Variants in CHD5 observed in about 807,000 individuals in gnomAD.
CHD5 encodes the protein chromodomain helicase DNA binding protein 5.
A neutral mutation model predicts 230.3 loss-of-function variants in CHD5; 69 were observed. The ratio of observed to expected loss-of-function variants is 0.30; its 90% CI spans 0.25 to 0.37. CHD5 has a LOEUF of 0.37. CHD5 is among the 10% of genes least tolerant of loss of function. The pLI is 1.00. For synonymous variants in CHD5, 1,064 were observed against 1,065.9 expected (o/e 1.00, Z 0.03); for missense variants, 1,827 against 2,622.8 (o/e 0.70, Z 6.63).
At chr1:6,156,715 G>C (rs1667086792) in intron 3 of CHD5, among the ~76,000 whole-genome samples, 2 of 152,160 alleles carry the variant, frequency 1.3e-5, no homozygotes, top group South Asian at 4.1e-4. Context: ...TCCAACTACT[G>C]CTGAGGCCTG....
At chr1:6,150,406 A>T (rs1023742078) in intron 7 of CHD5, among the ~76,000 whole-genome samples, 2 of 149,060 alleles carry the variant, frequency 1.3e-5, no homozygotes, top group Admixed American at 1.3e-4. Flanking sequence ...GGATGGATGG[A>T]TGGACAAGTG....
chr1:6,112,332 C>T (rs1476651601), intron 34 of CHD5, 55 bp from the exon 35 acceptor site: 19 of 1,596,344 alleles, frequency 1.2e-5, no homozygotes, highest in African/African-American at 4.0e-5. Flanking sequence ...CAGTGCCCAG[C>T]GGCCTCTCTC....
chr1:6,166,782 C>G (rs1667262884), intron 2 of CHD5, among the ~76,000 whole-genome samples: 1 of 152,148 alleles, frequency 6.6e-6, no homozygotes, highest in South Asian at 2.1e-4. Flanking sequence ...CCACCACCAT[C>G]TCTCCCACCC....
intron 38 of CHD5, 48 bp from the exon 39 acceptor site, chr1:6,106,827 G>A (rs1467410357): frequency 7.0e-7 from 1 of 1,431,426 alleles, no homozygotes; most frequent in South Asian, 1.2e-5. Flanking sequence ...TGGAGGGGTG[G>A]AGGGATGGAG....
Position 6,124,636 on chromosome 1 carries a change from G to T in CHD5, c.4420C>A (p.His1474Asn). Residue 1474 changes from histidine to asparagine, a missense_variant, in exon 30 of 42, where the codon CAC becomes AAC. His to Asn is a moderately conservative substitution (Grantham distance 68, BLOSUM62 1). Transcript: ENST00000262450. ...CCATCCGCCCCCGGCTCACACAGGT[G>T]CCGCATGAAGAGGGACACATAGGCT... is the stretch of plus-strand genomic sequence containing the variant. ...FRAYVSLFMR[H>N]LCEPGADGAE... The T allele has an allele frequency of 1.6e-6, 2 of 1,239,446 alleles. No individual in the cohort carries two copies. The highest frequency in any genetic ancestry group is 2.2e-6 in the Non-Finnish European group (2 of 919,244). 76.8% of individuals were successfully genotyped at this position (1,239,446 alleles called of 1,614,324 possible).
chr1:6,142,153 C>A lies in CHD5; in HGVS notation c.2411G>T (p.Ser804Ile). The stretch of plus-strand genomic sequence containing the variant: ...CTTCATACGGAATACCTTCTTCCCA[C>A]TCCGAATGGCGTTGTCCTCAAAGGA... The part of the protein sequence containing the change: ...EFSFEDNAIR[S>I]GKKVFRMKKE... The change falls in exon 15 of 42, where the codon AGT becomes ATT. Residue 804 changes from serine (S) to isoleucine (I), a missense_variant. By Grantham distance (142) the Ser-to-Ile change is moderately radical. This residue lies in a region of CHD5 where 80 missense variants were observed against 96.4 expected (regional missense o/e 0.83). Transcript: ENST00000262450. This position sits in a 1 kb window ranked among gnomAD's most constrained non-coding sequence, Gnocchi z 5.2. The A allele has an allele frequency of 6.2e-7, 1 of 1,614,194 alleles. No individual in the cohort carries two copies. The highest frequency in any genetic ancestry group is 8.5e-7 in the Non-Finnish European group (1 of 1,180,006).
In CHD5 at chr1:6,150,212, C is replaced by A. The variant is rs558341989; in HGVS notation, c.995-800G>T. 3.3e-5 allele frequency among the ~76,000 whole-genome samples: 4 copies of A among 121,874 alleles called. No homozygotes were observed. In the South Asian group the frequency reaches 1.1e-3, roughly 34 times the overall value. 80.0% of individuals were successfully genotyped at this position (121,874 alleles called of 152,430 possible). Reference sequence around the variant, plus strand: ...CAGAGTGGTAGATGGATGGATGAACCAATGAATGGATAATGGATGGACAAA... The same window carrying A: ...CAGAGTGGTAGATGGATGGATGAACAAATGAATGGATAATGGATGGACAAA... On this transcript the variant is annotated intron_variant, in intron 7 of 41. Transcript: ENST00000262450.
intron 1 of CHD5, among the ~76,000 whole-genome samples, chr1:6,169,743 C>A (rs200589226): frequency 6.6e-6 from 1 of 152,152 alleles, no homozygotes; most frequent in Non-Finnish European, 1.5e-5. Context: ...GAAGGGCCCA[C>A]GAGAGAGCCG....
chr1:6,160,994 C>T (rs1161473123), intron 2 of CHD5, among the ~76,000 whole-genome samples: 15 of 152,170 alleles, frequency 9.9e-5, no homozygotes, highest in Admixed American at 5.9e-4. Flanking sequence ...GCTTGCCATG[C>T]GCAGGACTGC....
In CHD5 at chr1:6,110,469, G is replaced by C; in HGVS notation, c.5307C>G (p.Asn1769Lys). ...IQNDPRYMIL[N>K]EPFKSEVHKG... ...TGTGGACCTCAGACTTGAAGGGCTC[G>C]TTGAGGATCATGTACCGTGGGTCAT... The change falls in exon 37 of 42, where the codon AAC becomes AAG. Residue 1769 changes from asparagine (N) to lysine (K), a missense_variant. By Grantham distance (94) the Asn-to-Lys change is moderately conservative. Around this residue, in one of 14 missense-constraint regions of CHD5, gnomAD observed 208 missense variants for 302.0 expected, o/e 0.69. Transcript: ENST00000262450. The C allele has an allele frequency of 6.2e-7, 1 of 1,614,022 alleles. No homozygotes were observed. Among genetic ancestry groups the C allele is most frequent in the Non-Finnish European group, 8.5e-7 (1 of 1,180,004 alleles).
At position 6,134,950 on chromosome 1, in the gene CHD5, C is replaced by G; in HGVS notation, c.2871-91G>C. 6.5e-7 allele frequency: 1 copy of G among 1,536,334 alleles called. No homozygotes were observed. Among genetic ancestry groups the G allele is most frequent in the South Asian group, 1.2e-5 (1 of 85,916 alleles). On this transcript the variant is annotated intron_variant, in intron 18 of 41. Transcript: ENST00000262450. The surrounding 1 kb of genome is among the most constrained non-coding windows in gnomAD (Gnocchi z 6.3). The stretch of plus-strand genomic sequence containing the variant: ...TGCAGTGGGGCTGGAAGCTGGTGGC[C>G]AAGCACCCATTTACAGAGAGACCCA...
At chr1:6,137,105 G>T (rs2495521) in intron 15 of CHD5, among the ~76,000 whole-genome samples, 1 of 151,396 alleles carries the variant, frequency 6.6e-6, no homozygotes, top group East Asian at 2.0e-4. Context: ...AAACGGCCTC[G>T]GCTTGTAACA....
chr1:6,115,601 C>T (rs1261023347), intron 33 of CHD5, among the ~76,000 whole-genome samples: 1 of 152,208 alleles, frequency 6.6e-6, no homozygotes, highest in East Asian at 1.9e-4. Context: ...GTGGTGGCTT[C>T]CAGGTGCTGA....
At position 6,152,470 on chromosome 1, in the gene CHD5, G is replaced by A. The variant is rs759139485; in HGVS notation, c.812C>T (p.Thr271Met). ...DGKKKGKGKK[T>M]AGLKFRFGGI... ...CCCGAAGCGGAACTTGAGCCCGGCC[G>A]TCTTTTTCCCTTTGCCCTTTTTCTT... The change falls in exon 6 of 42, where the codon ACG becomes ATG. Residue 271 changes from threonine to methionine, a missense_variant. Physicochemically the swap from Thr to Met is moderately conservative, Grantham distance 81. Transcript: ENST00000262450. 178 of 1,614,042 alleles carry A rather than the reference G, an allele frequency of 1.1e-4. No individual in the cohort carries two copies. Among genetic ancestry groups the A allele is most frequent in the Non-Finnish European group, 1.3e-4 (157 of 1,180,042 alleles).
chr1:6,179,870 C>G (rs1667486800), intron 1 of CHD5, 75 bp downstream of exon 1: 1 of 612,254 alleles, frequency 1.6e-6, no homozygotes, highest in African/African-American at 8.7e-5. Flanking sequence ...CCCCGCCGCC[C>G]GCGCTCCGCC....
At chr1:6,160,572 C>A (rs552808822) in intron 2 of CHD5, among the ~76,000 whole-genome samples, 1 of 152,276 alleles carries the variant, frequency 6.6e-6, no homozygotes. Context: ...TGCTTAAGTT[C>A]ACATCCCATG....
At chr1:6,151,210 TG>T (rs1257382368) in intron 6 of CHD5, 55 bp from the exon 7 acceptor site, 2 of 1,551,042 alleles carry the variant, frequency 1.3e-6, no homozygotes, top group Non-Finnish European at 1.7e-6. Flanking sequence ...AAGGCTTCGC[TG>T]GCCCAGGCAG....
At chr1:6,110,014 C>T (rs1666259948) in intron 37 of CHD5, 24 bp from the exon 38 acceptor site, 2 of 1,493,752 alleles carry the variant, frequency 1.3e-6, no homozygotes, top group South Asian at 1.4e-5. Flanking sequence ...GCAGCGTCGG[C>T]CCGGCCCCTC....
chr1:6,145,740 G>GTGTGAT (rs1666899052), intron 11 of CHD5, among the ~76,000 whole-genome samples: 1 of 152,234 alleles, frequency 6.6e-6, no homozygotes. Context: ...CCCCGTGGCT[G>GTGTGAT]TGTGATTCTG....
Sources: allele counts gnomAD v4.1 joint callset (sites outside exome capture counted in the v4.1 genomes callset), GRCh38; gene constraint gnomAD v4.1.1; regional missense constraint gnomAD v4.1.1; non-coding constraint Gnocchi (gnomAD v3.1); transcripts MANE v1.5; gene names NCBI Gene and HGNC (gene_info 2026-07-23, HGNC 2026-07-21).